Variants in SATL1 observed in about 807,000 individuals in gnomAD.
SATL1 encodes the protein spermidine/spermine N1-acetyl transferase like 1.
A neutral mutation model predicts 51.8 loss-of-function variants in SATL1; 47 were observed. The observed-to-expected ratio is 0.91, with a 90% CI of 0.72 to 1.16. The LOEUF (loss-of-function observed/expected upper bound fraction) is 1.16. Ranked by LOEUF, SATL1 falls within the 50% of genes most tolerant of loss-of-function variation. The pLI is 0.00. For missense variants in SATL1, 520 were observed against 526.4 expected (o/e 0.99, Z 0.12); for synonymous variants, 176 against 182.4 (o/e 0.97, Z 0.28).
intron 2 of SATL1, among the ~76,000 whole-genome samples, chrX:85,183,633 A>G (rs1317795562): frequency 9.0e-6 from 1 of 110,867 alleles, no homozygotes; most frequent in Non-Finnish European, 1.9e-5. Context: ...TTTTTTGTTT[A>G]GTTTTCCTTT....
rs749372719 is a variant in SATL1 at position 85,108,039 on chromosome X, G to C, written c.930C>G (p.Asp310Glu). 1 of 1,211,472 alleles carries C rather than the reference G, an allele frequency of 8.3e-7. No homozygotes were observed. The highest frequency in any genetic ancestry group is 1.8e-5 in the South Asian group (1 of 56,983). Residue 310 changes from aspartate (D) to glutamate (E), a missense_variant, in exon 3 of 8, where the codon GAC becomes GAG. By Grantham distance (45) the Asp-to-Glu change is conservative (BLOSUM62 2). Transcript: ENST00000644105. ...GMRQSGTNLP[D>E]INQPGMKQPG... ...GTTGTTTCATGCCAGGTTGGTTTAT[G>C]TCTGGTAGGTTTGTACCTGATTGCC...
At chrX:85,203,057 A>G (rs886185402) in intron 2 of SATL1, among the ~76,000 whole-genome samples, 2 of 111,263 alleles carry the variant, frequency 1.8e-5, no homozygotes, top group African/African-American at 6.5e-5. Context: ...CAGTCTGGCC[A>G]CCTTTCCATA....
intron 2 of SATL1, among the ~76,000 whole-genome samples, chrX:85,203,621 G>A (rs191811781): frequency 1.8e-5 from 2 of 111,872 alleles, no homozygotes; most frequent in Admixed American, 1.9e-4. Context: ...TCAGGACCAG[G>A]TACCTGCTTA....
intron 2 of SATL1, among the ~76,000 whole-genome samples, chrX:85,125,959 CTA>C (rs1569232009): frequency 9.1e-6 from 1 of 110,391 alleles, no homozygotes; most frequent in African/African-American, 3.3e-5. Flanking sequence ...CATTGTAATC[CTA>C]TGTTACCCTT....
intron 2 of SATL1, among the ~76,000 whole-genome samples, chrX:85,198,782 T>C (rs1459876662): frequency 1.8e-5 from 2 of 110,825 alleles, no homozygotes; most frequent in Non-Finnish European, 3.8e-5. Flanking sequence ...TTTTAAAAAG[T>C]ACAATTAAAT....
Position 85,148,848 on chromosome X carries a change from C to A in SATL1, c.-312-39568G>T, listed in dbSNP as rs1926335860. On this transcript the variant is annotated intron_variant, in intron 2 of 7. Coordinates refer to ENST00000644105, the MANE Select transcript of SATL1 (RefSeq NM_001367857.2). ...CATGGAAAGGAACAACTGGTACCAG[C>A]CACTGCAAAATCATGCCAAATTGTA... Among the ~76,000 whole-genome samples the A allele has an allele frequency of 2.7e-5, 3 of 111,450 alleles. No homozygotes were observed. In the South Asian group the frequency reaches 1.2e-3, roughly 43 times the overall value.
At chrX:85,154,352 G>T (rs989934578) in intron 2 of SATL1, among the ~76,000 whole-genome samples, 3 of 111,476 alleles carry the variant, frequency 2.7e-5, no homozygotes, top group African/African-American at 9.8e-5. Flanking sequence ...CAATAGACTT[G>T]CTCTAATCTG....
intron 3 of SATL1, among the ~76,000 whole-genome samples, chrX:85,106,904 C>A (rs897506908): frequency 9.0e-6 from 1 of 111,272 alleles, no homozygotes; most frequent in African/African-American, 3.3e-5. Context: ...CGACTCCCTA[C>A]CGCAAAATCC....
intron 1 of SATL1, among the ~76,000 whole-genome samples, chrX:85,224,648 A>T (rs1455737593): frequency 2.7e-5 from 3 of 109,443 alleles, no homozygotes; most frequent in Middle Eastern, 9.3e-3. Flanking sequence ...ATTGAAGGGG[A>T]AGTGTGATAG....
intron 2 of SATL1, among the ~76,000 whole-genome samples, chrX:85,183,291 T>C (rs1927246286): frequency 9.1e-6 from 1 of 110,073 alleles, no homozygotes; most frequent in South Asian, 4.0e-4. Context: ...TTCTTGTGTA[T>C]ATGAATATCC....
At chrX:85,158,870 A>C (rs1209599424) in intron 2 of SATL1, among the ~76,000 whole-genome samples, 1 of 112,088 alleles carries the variant, frequency 8.9e-6, no homozygotes, top group Non-Finnish European at 1.9e-5. Context: ...AAATGGAATA[A>C]ATTGAAAGTA....
rs188632332 is a variant in SATL1 at position 85,111,299 on chromosome X, T to G, written c.-312-2019A>C. Among the ~76,000 whole-genome samples, 330 of 112,606 alleles carry G rather than the reference T, an allele frequency of 2.9e-3. 2 individuals carry two copies. Among genetic ancestry groups the G allele is most frequent in the African/African-American group, 0.01 (312 of 31,090 alleles). ...GAGTTGAAGACTATTTAGATATTTGTTTTTTGTTATTTTTAAATAATATTG... is the reference window on the plus strand; with the variant it reads ...GAGTTGAAGACTATTTAGATATTTGGTTTTTGTTATTTTTAAATAATATTG... On this transcript the variant is annotated intron_variant, in intron 2 of 7. Transcript: ENST00000644105.
chrX:85,161,132 C>T (rs1926710346), intron 2 of SATL1, among the ~76,000 whole-genome samples: 1 of 111,714 alleles, frequency 9.0e-6, no homozygotes, highest in Admixed American at 9.5e-5. Flanking sequence ...TTTGTCACCA[C>T]CAGACATTCC....
intron 1 of SATL1, among the ~76,000 whole-genome samples, chrX:85,232,462 A>C (rs886724060): frequency 8.9e-6 from 1 of 112,142 alleles, no homozygotes; most frequent in Non-Finnish European, 1.9e-5. Context: ...GTTCAGCCAC[A>C]GTGAACAAGA....
At chrX:85,128,036 C>T (rs1925672752) in intron 2 of SATL1, among the ~76,000 whole-genome samples, 1 of 111,798 alleles carries the variant, frequency 8.9e-6, no homozygotes, top group African/African-American at 3.3e-5. Context: ...TTTCTTAATC[C>T]AGTCTATCAT....
At chrX:85,226,873 A>T (rs749644640) in intron 1 of SATL1, among the ~76,000 whole-genome samples, 1 of 111,171 alleles carries the variant, frequency 9.0e-6, no homozygotes, top group African/African-American at 3.3e-5. Flanking sequence ...TTCAACCTTT[A>T]TAAGATATGC....
chrX:85,198,011 C>T lies in SATL1; in HGVS notation c.-313+26194G>A, dbSNP rs184883799. 3.4e-3 allele frequency among the ~76,000 whole-genome samples: 378 copies of T among 110,994 alleles called. 2 individuals are homozygous for T. Among genetic ancestry groups the T allele is most frequent in the African/African-American group, 0.012 (362 of 30,554 alleles). ...ACTCTTCTCAGCCTCTGGTAGCCAT[C>T]ATTCTACTTTATATTACCATGAGTT... On this transcript the variant is annotated intron_variant, in intron 2 of 7. Transcript: ENST00000644105.
intron 1 of SATL1, among the ~76,000 whole-genome samples, chrX:85,228,215 G>A (rs2188733): frequency 0.13 from 14,374 of 110,564 alleles, 711 homozygotes; most frequent in South Asian, 0.18. Context: ...AAGAATGCAC[G>A]CATATCCTGC....
At chrX:85,150,886 T>C (rs1305294228) in intron 2 of SATL1, among the ~76,000 whole-genome samples, 1 of 110,242 alleles carries the variant, frequency 9.1e-6, no homozygotes, top group African/African-American at 3.3e-5. Context: ...ACTGGAAGCA[T>C]TCCCTTTGAA....
Sources: allele counts gnomAD v4.1 joint callset (sites outside exome capture counted in the v4.1 genomes callset), GRCh38; gene constraint gnomAD v4.1.1; transcripts MANE v1.5; gene names NCBI Gene and HGNC (gene_info 2026-07-23, HGNC 2026-07-21).